The following NOX4 variants were observed in gnomAD, a reference collection of about 807,000 sequenced individuals.
NOX4 encodes the protein kidney oxidase-1.
In NOX4, 69 loss-of-function variants were observed where a neutral mutation model predicts 87.6. That is an observed-to-expected ratio of 0.79 (90% CI 0.65 to 0.96). The LOEUF is 0.96. Among genes scored for constraint, NOX4 ranks in the 40% least tolerant of loss-of-function variants. NOX4 has a pLI of 0.00. For missense variants in NOX4, 680 were observed against 681.5 expected, an observed-to-expected ratio of 1.00 and a Z score of 0.02; for synonymous variants, 275 against 238.2, an observed-to-expected ratio of 1.15 and a Z score of -1.42.
chr11:89,352,750 A>C (rs1590996085), intron 13 of NOX4, among the ~76,000 whole-genome samples: 1 of 152,306 alleles, frequency 6.6e-6, no homozygotes, highest in South Asian at 2.1e-4. Flanking sequence ...TAATGTTAAT[A>C]AATGAAAAGT....
chr11:89,422,005 T>C, intron 7 of NOX4, 23 bp from the exon 8 acceptor site: 1 of 1,217,102 alleles, frequency 8.2e-7, no homozygotes, highest in Non-Finnish European at 1.2e-6. Context: ...ATACACTCAT[T>C]TTAATGCTAC....
intron 1 of NOX4, 189 bp downstream of exon 1, chr11:89,491,001 G>T: frequency 1.4e-6 from 1 of 727,724 alleles, no homozygotes; most frequent in Non-Finnish European, 2.5e-6. Context: ...TCATGCATTT[G>T]GGGGACAGGC....
In NOX4 at chr11:89,459,135, A is replaced by G. The variant is rs183389506; in HGVS notation, c.154-7240T>C. Among the ~76,000 whole-genome samples the G allele has an allele frequency of 5.9e-5, 9 of 152,268 alleles. No individual in the cohort carries two copies. In the East Asian group the frequency reaches 1.7e-3, roughly 29 times the overall value. Reference sequence around the variant, plus strand: ...GGAATACTGCACAGCCATAAAAAGAAACAAGATCATGTCCTTTGCAAGAAA... The same window carrying G: ...GGAATACTGCACAGCCATAAAAAGAGACAAGATCATGTCCTTTGCAAGAAA... On this transcript the variant is annotated intron_variant, in intron 2 of 17. Transcript: ENST00000263317.
chr11:89,495,445 C>G (rs1372924747), upstream of NOX4, among the ~76,000 whole-genome samples: 1 of 152,124 alleles, frequency 6.6e-6, no homozygotes, highest in Admixed American at 6.5e-5. Context: ...CTCTGCCTCT[C>G]TCTTACCAGG....
At chr11:89,466,053 G>A (rs1259854751) in intron 2 of NOX4, among the ~76,000 whole-genome samples, 2 of 152,016 alleles carry the variant, frequency 1.3e-5, no homozygotes, top group African/African-American at 4.8e-5. Context: ...TTAGGATACA[G>A]CAAAAAGGCA....
intron 10 of NOX4, 64 bp from the exon 11 acceptor site, chr11:89,400,143 G>T: frequency 1.3e-6 from 2 of 1,573,114 alleles, no homozygotes; most frequent in Non-Finnish European, 1.7e-6. Flanking sequence ...TTTCAATGAT[G>T]CTATGTTTGC....
chr11:89,551,317 G>T, the NOX4 span, among the ~76,000 whole-genome samples: 1 of 152,212 alleles, frequency 6.6e-6, no homozygotes, highest in East Asian at 1.9e-4. Flanking sequence ...ATTTAAAGTA[G>T]TTTTTTTCTC....
rs1945244153 is a variant in NOX4 at position 89,326,929 on chromosome 11, T to C, written c.1617-53A>G. ...ATCAGGTGTAAAATTAGGCAGAACA[T>C]GACAAGAAGTATGCTTTATGAGCAT... On this transcript the variant is annotated intron_variant, in intron 17 of 17. Transcript: ENST00000263317. 4.4e-6 allele frequency: 7 copies of C among 1,579,386 alleles called. No individual in the cohort carries two copies. In the Admixed American group the frequency reaches 5.1e-5, roughly 11 times the overall value.
chr11:89,412,683 A>C (rs987265654), intron 8 of NOX4, among the ~76,000 whole-genome samples: 8 of 152,110 alleles, frequency 5.3e-5, no homozygotes, highest in Admixed American at 5.2e-4. Flanking sequence ...AAAAAATCAA[A>C]ATTGATTGAA....
In NOX4 at chr11:89,403,557, G is replaced by T. The variant is rs317130; in HGVS notation, c.630-1015C>A. The stretch of plus-strand genomic sequence containing the variant: ...GAGTTCGAGACCAGCCTGACCAACA[G>T]GGAGAAGCCCCGTCTCTACTAAAAA... On this transcript the variant is annotated intron_variant, in intron 8 of 17. Transcript: ENST00000263317. Among the ~76,000 whole-genome samples, 943 of 151,892 alleles carry T rather than the reference G, an allele frequency of 6.2e-3. 13 individuals are homozygous for T. The highest frequency in any genetic ancestry group is 0.022 in the African/African-American group (893 of 41,444).
chr11:89,424,879 T>A (rs376813647), intron 7 of NOX4, among the ~76,000 whole-genome samples: 1 of 152,012 alleles, frequency 6.6e-6, no homozygotes, highest in Admixed American at 6.6e-5. Context: ...AAAGGTAAAA[T>A]AAAAGAGATA....
At chr11:89,435,126 CA>C (rs1436899182) in intron 6 of NOX4, among the ~76,000 whole-genome samples, 4 of 151,926 alleles carry the variant, frequency 2.6e-5, no homozygotes, top group African/African-American at 9.7e-5. Context: ...TAGTGTACTT[CA>C]ATTATAATTT....
chr11:89,451,022 T>C (rs1591289770), intron 3 of NOX4, among the ~76,000 whole-genome samples: 1 of 137,528 alleles, frequency 7.3e-6, no homozygotes, highest in East Asian at 2.1e-4. Flanking sequence ...ATGAGAACAC[T>C]TGGACACAGG....
At chr11:89,534,829 A>G in the NOX4 span, among the ~76,000 whole-genome samples, 4 of 152,140 alleles carry the variant, frequency 2.6e-5, no homozygotes, top group Non-Finnish European at 4.4e-5. Context: ...TTCTCATTTC[A>G]GTCTTTTGGT....
chr11:89,475,130 T>C (rs1002648116), intron 2 of NOX4, among the ~76,000 whole-genome samples: 1 of 152,006 alleles, frequency 6.6e-6, no homozygotes, highest in Non-Finnish European at 1.5e-5. Flanking sequence ...TGCTACATTT[T>C]ACAGTAGGAA....
intron 17 of NOX4, among the ~76,000 whole-genome samples, chr11:89,331,908 C>CT (rs983707108): frequency 5.0e-4 from 72 of 144,970 alleles, no homozygotes; most frequent in Admixed American, 4.9e-4. Flanking sequence ...TGAAATCTTA[C>CT]TTTTTTTTTT....
chr11:89,350,672 T>C lies in NOX4; in HGVS notation c.1217+4290A>G, dbSNP rs114106542. On this transcript the variant is annotated intron_variant, in intron 13 of 17. Transcript: ENST00000263317. ...AGGAAAAAATATCAATGTAGATACA[T>C]ACAGCAGTGGTTGTGAATGAAATAC... Among the ~76,000 whole-genome samples, 879 of 152,320 alleles carry C rather than the reference T, an allele frequency of 5.8e-3. 12 individuals are homozygous for C. Among genetic ancestry groups the C allele is most frequent in the African/African-American group, 0.02 (836 of 41,582 alleles).
At chr11:89,466,167 C>G (rs762438622) in intron 2 of NOX4, among the ~76,000 whole-genome samples, 1 of 152,074 alleles carries the variant, frequency 6.6e-6, no homozygotes. Context: ...GTTTAAGCTG[C>G]CTAGTCTATG....
chr11:89,490,852 C>T (rs112099320), intron 1 of NOX4: 54 of 700,902 alleles, frequency 7.7e-5, no homozygotes, highest in African/African-American at 7.5e-4. Flanking sequence ...CATCACCATA[C>T]CCCAAGCAAA....
Sources: allele counts gnomAD v4.1 joint callset (sites outside exome capture counted in the v4.1 genomes callset), GRCh38; gene constraint gnomAD v4.1.1; transcripts MANE v1.5; gene names NCBI Gene and HGNC (gene_info 2026-07-23, HGNC 2026-07-21).